Variants in PCDH11X observed in about 807,000 individuals in gnomAD.
PCDH11X encodes protocadherin 11 X-linked, also known as protocadherin-11 X-linked.
PCDH11X carries 18 observed loss-of-function variants against 53.3 expected under a neutral mutation model. That is an observed-to-expected ratio of 0.34 (90% CI 0.23 to 0.50). The LOEUF (loss-of-function observed/expected upper bound fraction) is 0.50. Ranked by LOEUF, PCDH11X falls within the 20% of genes least tolerant of loss-of-function variation. The pLI is 0.98. For missense variants in PCDH11X, 570 were observed against 1,032.4 expected (o/e 0.55, Z 6.14); for synonymous variants, 279 against 393.3 (o/e 0.71, Z 3.44).
intron 10 of PCDH11X, among the ~76,000 whole-genome samples, chrX:92,563,047 G>GTTTTTTTTTT (rs61411325): frequency 9.1e-5 from 4 of 43,872 alleles, no homozygotes; most frequent in African/African-American, 2.9e-4. Context: ...CCTTGGTACC[G>GTTTTTTTTTT]TTTTTTTTTT....
chrX:91,982,025 G>C (rs1341683637), intron 6 of PCDH11X, among the ~76,000 whole-genome samples: 1 of 109,938 alleles, frequency 9.1e-6, no homozygotes, highest in Non-Finnish European at 1.9e-5. Context: ...TGGAGTTCCT[G>C]GAAGCTATTT....
At chrX:92,121,925 C>T (rs12557499) in intron 6 of PCDH11X, among the ~76,000 whole-genome samples, 38 of 105,623 alleles carry the variant, frequency 3.6e-4, no homozygotes, top group Admixed American at 2.9e-3. Context: ...GGGGTTTCAC[C>T]ATGTTGAGCA....
chrX:92,599,343 T>G (rs1402451056), intron 10 of PCDH11X, among the ~76,000 whole-genome samples: 1 of 111,634 alleles, frequency 9.0e-6, no homozygotes, highest in East Asian at 2.8e-4. Flanking sequence ...AGTCTCATCT[T>G]GAATTGTAGC....
chrX:92,482,642 G>T (rs949755771), intron 10 of PCDH11X, among the ~76,000 whole-genome samples: 1 of 111,066 alleles, frequency 9.0e-6, no homozygotes, highest in Non-Finnish European at 1.9e-5. Flanking sequence ...AAGATGATAA[G>T]CCAGGTACCA....
At chrX:92,351,052 A>T (rs1046974593) in intron 8 of PCDH11X, among the ~76,000 whole-genome samples, 3 of 112,183 alleles carry the variant, frequency 2.7e-5, no homozygotes, top group Non-Finnish European at 5.6e-5. Flanking sequence ...AACTCGTGAG[A>T]TAATTTCAAA....
intron 7 of PCDH11X, among the ~76,000 whole-genome samples, chrX:92,205,372 A>T (rs775859940): frequency 9.0e-6 from 1 of 111,573 alleles, no homozygotes; most frequent in Non-Finnish European, 1.9e-5. Context: ...GGCATCTCAG[A>T]ATTATACTAC....
chrX:92,398,516 G>T (rs1405683710), intron 9 of PCDH11X, among the ~76,000 whole-genome samples: 4 of 110,905 alleles, frequency 3.6e-5, no homozygotes, highest in Non-Finnish European at 5.7e-5. Context: ...ATTTTTTTTT[G>T]AAATCAGAGA....
chrX:92,348,542 ATTATTATTT>A (rs2069962742), intron 8 of PCDH11X, among the ~76,000 whole-genome samples: 1 of 93,029 alleles, frequency 1.1e-5, no homozygotes, highest in African/African-American at 4.3e-5. Flanking sequence ...TATTATTATT[ATTATTATTT>A]TTGAGACGGA....
intron 8 of PCDH11X, among the ~76,000 whole-genome samples, chrX:92,334,031 A>G (rs1265573357): frequency 1.8e-5 from 2 of 111,242 alleles, no homozygotes; most frequent in African/African-American, 3.3e-5. Flanking sequence ...TTATACGTTG[A>G]TTTTTTTCAA....
intron 4 of PCDH11X, 193 bp from the exon 5 acceptor site, chrX:91,835,268 A>G (rs1937252791): frequency 1.3e-5 from 14 of 1,065,672 alleles, no homozygotes; most frequent in Non-Finnish European, 1.6e-5. Flanking sequence ...TATTTCATTT[A>G]TCTTTATTCT....
intron 6 of PCDH11X, among the ~76,000 whole-genome samples, chrX:92,125,678 T>C (rs1191942745): frequency 9.0e-6 from 1 of 110,706 alleles, no homozygotes; most frequent in Non-Finnish European, 1.9e-5. Context: ...CTTTAAGTTC[T>C]AGGGTACATG....
At chrX:91,954,616 C>T (rs1184305884) in intron 6 of PCDH11X, among the ~76,000 whole-genome samples, 2 of 110,489 alleles carry the variant, frequency 1.8e-5, no homozygotes, top group Admixed American at 9.6e-5. Flanking sequence ...ATTTTACCAG[C>T]ATCTGTTGTT....
chrX:92,302,044 G>T (rs769389646), intron 8 of PCDH11X, among the ~76,000 whole-genome samples: 13 of 111,399 alleles, frequency 1.2e-4, no homozygotes, highest in Admixed American at 1.9e-4. Flanking sequence ...AAGGCAGATT[G>T]GGACCCTAGT....
chrX:92,155,962 T>C (rs2065527101), intron 6 of PCDH11X, among the ~76,000 whole-genome samples: 2 of 108,599 alleles, frequency 1.8e-5, no homozygotes, highest in Admixed American at 2.0e-4. Context: ...CTCTCTCTGC[T>C]TCCTCTCCCG....
At chrX:92,383,717 G>A (rs371371096) in intron 8 of PCDH11X, among the ~76,000 whole-genome samples, 1 of 111,786 alleles carries the variant, frequency 8.9e-6, no homozygotes, top group South Asian at 3.7e-4. Flanking sequence ...TCTTAATCCA[G>A]TCTATCATTG....
At chrX:91,966,372 T>C (rs2147897156) in intron 6 of PCDH11X, among the ~76,000 whole-genome samples, 1 of 110,297 alleles carries the variant, frequency 9.1e-6, no homozygotes, top group East Asian at 2.9e-4. Context: ...AGAATACTAT[T>C]TCCTAGAATA....
chrX:91,864,139 G>GT (rs1168177055), intron 5 of PCDH11X, among the ~76,000 whole-genome samples: 2 of 111,378 alleles, frequency 1.8e-5, no homozygotes, highest in African/African-American at 6.5e-5. Flanking sequence ...TTTTCTTTGT[G>GT]TTTGAAGTAC....
chrX:92,251,199 C>T lies in PCDH11X; in HGVS notation c.3115-11915C>T, dbSNP rs770258741. ...ATGCAAAAGGGTAACACAGGTAAAG[C>T]GGTAGAGCTAGGAGTTGAACCTCGA... On this transcript the variant is annotated intron_variant, in intron 7 of 10. Transcript: ENST00000682573. 1.6e-4 allele frequency among the ~76,000 whole-genome samples: 18 copies of T among 110,350 alleles called. 1 individual carries two copies. Among genetic ancestry groups the T allele is most frequent in the Admixed American group, 2.9e-4 (3 of 10,246 alleles).
intron 8 of PCDH11X, among the ~76,000 whole-genome samples, chrX:92,375,168 T>TATATATATA (rs2070720461): frequency 6.1e-4 from 4 of 6,600 alleles, no homozygotes; most frequent in Non-Finnish European, 1.3e-3. Context: ...ATATATATAT[T>TATATATATA]TTTTTTTTTT....
Sources: gnomAD v4.1 joint callset for allele counts (sites outside exome capture counted in the v4.1 genomes callset) on GRCh38, gnomAD v4.1.1 for gene constraint, MANE v1.5 for transcripts, NCBI Gene and HGNC (gene_info 2026-07-23, HGNC 2026-07-21) for gene names.